ZNF254: variants seen among roughly 807,000 people sequenced by gnomAD.
ZNF254 encodes CTD-2017D11.1.
Under a neutral mutation model 12.4 loss-of-function variants are expected in ZNF254, and 10 were observed. The observed-to-expected ratio is 0.80, with a 90% CI of 0.50 to 1.36. The LOEUF (loss-of-function observed/expected upper bound fraction) is 1.36. Among genes scored for constraint, ZNF254 ranks in the 40% most tolerant of loss-of-function variants. ZNF254 has a pLI of 0.00. For missense variants in ZNF254, 996 were observed against 763.9 expected, an observed-to-expected ratio of 1.30 and a Z score of -3.58; for synonymous variants, 305 against 253.4, an observed-to-expected ratio of 1.20 and a Z score of -1.93.
At chr19:24,113,071 G>C (rs1973797081) in intron 3 of ZNF254, among the ~76,000 whole-genome samples, 1 of 152,186 alleles carries the variant, frequency 6.6e-6, no homozygotes, top group Non-Finnish European at 1.5e-5. Context: ...TCCTGGATCA[G>C]ATGGATTCAC....
At chr19:24,041,454 C>T (rs1281164852) in intron 1 of ZNF254, among the ~76,000 whole-genome samples, 6 of 152,240 alleles carry the variant, frequency 3.9e-5, no homozygotes, top group African/African-American at 1.4e-4. Context: ...GACTTAGCAC[C>T]CGGGCTAGTG....
intron 3 of ZNF254, among the ~76,000 whole-genome samples, chr19:24,121,693 G>C (rs908516732): frequency 1.3e-5 from 2 of 152,024 alleles, no homozygotes; most frequent in Non-Finnish European, 2.9e-5. Context: ...AATTAGCTGG[G>C]ATTACAGGCG....
At chr19:24,045,998 G>T (rs1044427224) in intron 1 of ZNF254, among the ~76,000 whole-genome samples, 5 of 152,040 alleles carry the variant, frequency 3.3e-5, no homozygotes, top group African/African-American at 1.2e-4. Context: ...ACTTGAAAAT[G>T]AAGCACAGAA....
chr19:24,096,977 T>C (rs2145724728), intron 1 of ZNF254, among the ~76,000 whole-genome samples: 1 of 152,288 alleles, frequency 6.6e-6, no homozygotes, highest in African/African-American at 2.4e-5. Flanking sequence ...AAAATATAAA[T>C]TAAAAATAAG....
intron 2 of ZNF254, among the ~76,000 whole-genome samples, chr19:24,063,631 T>C (rs2145427431): frequency 6.6e-6 from 1 of 152,316 alleles, no homozygotes; most frequent in South Asian, 2.1e-4. Flanking sequence ...CCTGGAAATG[T>C]GACTTACTTT....
chr19:24,038,497 A>G (rs1032419830), intron 1 of ZNF254, among the ~76,000 whole-genome samples: 9 of 151,746 alleles, frequency 5.9e-5, no homozygotes, highest in Non-Finnish European at 1.2e-4. Context: ...ATTCTGTAAT[A>G]ATTTTTTTTT....
At chr19:24,077,776 G>T (rs1403549619) in intron 2 of ZNF254, among the ~76,000 whole-genome samples, 1 of 152,140 alleles carries the variant, frequency 6.6e-6, no homozygotes, top group Non-Finnish European at 1.5e-5. Flanking sequence ...GTGATACAGG[G>T]TGTGTGTGTC....
chr19:24,044,132 C>T (rs1970283409), intron 1 of ZNF254, among the ~76,000 whole-genome samples: 1 of 151,500 alleles, frequency 6.6e-6, no homozygotes, highest in South Asian at 2.1e-4. Flanking sequence ...CCTAGCTACT[C>T]AGGAGGCAGA....
upstream of ZNF254, among the ~76,000 whole-genome samples, chr19:24,083,406 T>G (rs145355733): frequency 2.1e-4 from 32 of 152,206 alleles, no homozygotes; most frequent in African/African-American, 7.2e-4. Context: ...AGCTACAAAT[T>G]CAATACAATT....
intron 3 of ZNF254, among the ~76,000 whole-genome samples, chr19:24,109,123 TC>T (rs1418410650): frequency 6.6e-6 from 1 of 152,190 alleles, no homozygotes; most frequent in East Asian, 1.9e-4. Context: ...CCACTTTGCT[TC>T]TAAACTTGGA....
chr19:24,102,438 A>C (rs1259094839), intron 1 of ZNF254, among the ~76,000 whole-genome samples: 2 of 151,950 alleles, frequency 1.3e-5, no homozygotes, highest in East Asian at 3.9e-4. Flanking sequence ...CATAAAAAAA[A>C]AATACTCCCC....
intron 2 of ZNF254, among the ~76,000 whole-genome samples, chr19:24,054,442 A>G (rs1970763631): frequency 6.6e-6 from 1 of 152,224 alleles, no homozygotes; most frequent in Admixed American, 6.5e-5. Flanking sequence ...TAAATGAGTC[A>G]CTTCCTTGGT....
At chr19:24,064,017 T>C (rs1237930545) in intron 2 of ZNF254, 3 of 152,214 alleles carry the variant, frequency 2.0e-5, no homozygotes, top group Non-Finnish European at 4.4e-5. Context: ...GAGTGACGTA[T>C]TGGTGGGGCA....
intron 2 of ZNF254, among the ~76,000 whole-genome samples, chr19:24,055,271 CTCTTTTTCTTTTTCTTTTTT>C (rs905974665): frequency 1.1e-4 from 15 of 135,118 alleles, no homozygotes; most frequent in Admixed American, 1.5e-4. Flanking sequence ...AGGAGATTTT[CTCTTTTTCTTTTTCTTTTTT>C]TCTTTTGAGA....
intron 3 of ZNF254, among the ~76,000 whole-genome samples, chr19:24,109,794 C>T (rs1973556710): frequency 6.7e-6 from 1 of 149,468 alleles, no homozygotes; most frequent in Admixed American, 6.7e-5. Context: ...TCTCGGCTCA[C>T]TGCAACTTCC....
intron 3 of ZNF254, among the ~76,000 whole-genome samples, chr19:24,124,759 CT>C (rs929835355): frequency 1.3e-5 from 2 of 151,212 alleles, no homozygotes; most frequent in Non-Finnish European, 2.9e-5. Context: ...TGGCACATCA[CT>C]TTTTTTCTTT....
intron 2 of ZNF254, 90 bp downstream of exon 2, chr19:24,106,156 T>A (rs1973330247): frequency 6.9e-7 from 1 of 1,442,624 alleles, no homozygotes. Flanking sequence ...GCATTCAGAT[T>A]TCTGTTTTCA....
Position 24,127,540 on chromosome 19 carries a change from G to T in ZNF254, c.1540G>T (p.Gly514Ter), listed in dbSNP as rs780866626. ...TACTACACATAAGATAATTCATACT[G>T]GAGAGAAACCCTACAAATGTGAAGA... ...TLTTHKIIHTGEKPYKCEECG... is the reference protein window; with the variant it reads ...TLTTHKIIHT The change falls in exon 4 of 4, where the codon GGA (glycine) becomes TGA (stop). Residue 514 changes from glycine (G) to a stop codon, truncating the protein, a stop_gained. Coordinates refer to ENST00000357002, the MANE Select transcript of ZNF254 (RefSeq NM_203282.4). LOFTEE classifies it low-confidence loss of function (END_TRUNC). 3.1e-6 allele frequency: 5 copies of T among 1,612,940 alleles called. No individual in the cohort carries two copies. The highest frequency in any genetic ancestry group is 4.2e-6 in the Non-Finnish European group (5 of 1,179,696).
At chr19:24,090,395 A>T (rs986235374) in intron 1 of ZNF254, among the ~76,000 whole-genome samples, 3 of 152,080 alleles carry the variant, frequency 2.0e-5, no homozygotes, top group East Asian at 1.9e-4. Flanking sequence ...TGATTAAGAC[A>T]TATCTGTGTC....
Sources: allele counts gnomAD v4.1 joint callset (sites outside exome capture counted in the v4.1 genomes callset), GRCh38; gene constraint gnomAD v4.1.1; transcripts MANE v1.5; gene names NCBI Gene and HGNC (gene_info 2026-07-23, HGNC 2026-07-21).